NDST3: variants seen among roughly 807,000 people sequenced by gnomAD.
NDST3 encodes N-deacetylase and N-sulfotransferase 3, also known as bifunctional heparan sulfate N-deacetylase/N-sulfotransferase 3.
In NDST3, 58 loss-of-function variants were observed where a neutral mutation model predicts 96.1. The ratio of observed to expected loss-of-function variants is 0.60; its 90% confidence interval spans 0.49 to 0.75. NDST3 has a LOEUF of 0.75. Ranked by LOEUF, NDST3 falls within the 30% of genes least tolerant of loss-of-function variation. NDST3 has a pLI of 0.00. For missense variants in NDST3, 788 were observed against 1,034.2 expected (o/e 0.76, Z 3.27); for synonymous variants, 333 against 359.7 (o/e 0.93, Z 0.84).
intron 6 of NDST3, among the ~76,000 whole-genome samples, chr4:118,221,992 T>TA (rs200927146): frequency 0.011 from 1,556 of 141,912 alleles, 24 homozygotes; most frequent in Middle Eastern, 0.083. Flanking sequence ...ATTTTCCATC[T>TA]AAAAAAAAAA....
At chr4:118,255,112 C>T (rs557649828) in intron 13 of NDST3, among the ~76,000 whole-genome samples, 1 of 152,282 alleles carries the variant, frequency 6.6e-6, no homozygotes, top group Non-Finnish European at 1.5e-5. Flanking sequence ...GTTTAAGAGA[C>T]ACTGCAGAAT....
Position 118,240,757 on chromosome 4 carries a change from G to A in NDST3, c.2289+63G>A. 4 of 1,453,686 alleles carry A rather than the reference G, an allele frequency of 2.8e-6. No individual in the cohort carries two copies. The South Asian group carries it at 5.9e-5, about 21-fold the overall frequency. 90.0% of individuals were successfully genotyped at this position (1,453,686 alleles called of 1,614,324 possible). ...CATTAAGTTGATGACTTTGCCTTAA[G>A]GTTAAGAAAATTTTCAATTGTTAAA... On this transcript the variant is annotated intron_variant, in intron 11 of 13. Transcript: ENST00000296499.
intron 2 of NDST3, among the ~76,000 whole-genome samples, chr4:118,087,655 G>C (rs1197899144): frequency 1.3e-5 from 2 of 152,090 alleles, no homozygotes; most frequent in Non-Finnish European, 2.9e-5. Context: ...ATGTATGATT[G>C]GGCAGGGGGA....
intron 2 of NDST3, among the ~76,000 whole-genome samples, chr4:118,063,727 A>G (rs1287531317): frequency 6.6e-6 from 1 of 152,086 alleles, no homozygotes; most frequent in Non-Finnish European, 1.5e-5. Flanking sequence ...AACAAAGATT[A>G]TAAGCAGCAT....
intron 6 of NDST3, chr4:118,193,919 T>G: frequency 1.1e-6 from 1 of 950,190 alleles, no homozygotes; most frequent in Non-Finnish European, 1.7e-6. Context: ...TAGTAAAGCT[T>G]GCTTGTATTT....
intron 1 of NDST3, among the ~76,000 whole-genome samples, chr4:118,051,618 G>T (rs1479847272): frequency 6.6e-6 from 1 of 151,890 alleles, no homozygotes; most frequent in Non-Finnish European, 1.5e-5. Flanking sequence ...TTTCTTCAAA[G>T]AAGCAATCAG....
intron 6 of NDST3, among the ~76,000 whole-genome samples, chr4:118,183,324 C>A (rs185122202): frequency 1.0e-3 from 157 of 152,308 alleles, no homozygotes; most frequent in African/African-American, 3.5e-3. Context: ...TCACTGGGCA[C>A]ATGATTGAGC....
At chr4:118,230,498 C>G (rs1740202751) in intron 8 of NDST3, among the ~76,000 whole-genome samples, 1 of 151,994 alleles carries the variant, frequency 6.6e-6, no homozygotes, top group Non-Finnish European at 1.5e-5. Context: ...TGGCGTGAAC[C>G]CGGCGGGCGG....
At chr4:118,042,436 G>A (rs1457440102) in intron 1 of NDST3, among the ~76,000 whole-genome samples, 3 of 152,016 alleles carry the variant, frequency 2.0e-5, no homozygotes. Flanking sequence ...TCTTCACTCT[G>A]CACAGTGTGG....
In NDST3 at chr4:118,225,263, T is replaced by G. The variant is rs186460050; in HGVS notation, c.1722+590T>G. Reference sequence around the variant, plus strand: ...TATTCAGATGACTCTGGGGGTAACCTAGATTTCAAAGCATAGACTCTTATG... The same window carrying G: ...TATTCAGATGACTCTGGGGGTAACCGAGATTTCAAAGCATAGACTCTTATG... On this transcript the variant is annotated intron_variant, in intron 7 of 13. Coordinates refer to ENST00000296499, the MANE Select transcript of NDST3 (RefSeq NM_004784.3). Among the ~76,000 whole-genome samples the G allele has an allele frequency of 1.9e-3, 294 of 152,272 alleles. 1 individual carries two copies. Among genetic ancestry groups the G allele is most frequent in the African/African-American group, 6.9e-3 (286 of 41,560 alleles).
At chr4:118,162,751 G>C (rs1460767742) in intron 6 of NDST3, among the ~76,000 whole-genome samples, 2 of 146,978 alleles carry the variant, frequency 1.4e-5, no homozygotes, top group African/African-American at 4.9e-5. Flanking sequence ...TTGACAAATG[G>C]GATCTAATTA....
At chr4:118,119,435 C>A (rs954456262) in intron 4 of NDST3, among the ~76,000 whole-genome samples, 5 of 152,032 alleles carry the variant, frequency 3.3e-5, no homozygotes, top group African/African-American at 1.2e-4. Flanking sequence ...ATGAGATTTT[C>A]CTTTTATTGA....
At chr4:118,141,814 T>G (rs1292942870) in intron 5 of NDST3, among the ~76,000 whole-genome samples, 2 of 152,108 alleles carry the variant, frequency 1.3e-5, no homozygotes, top group Non-Finnish European at 2.9e-5. Flanking sequence ...CATATATCTT[T>G]CTGTTCTCTC....
chr4:118,072,351 C>T (rs1727150145), intron 2 of NDST3, among the ~76,000 whole-genome samples: 1 of 152,022 alleles, frequency 6.6e-6, no homozygotes, highest in African/African-American at 2.4e-5. Context: ...TTGATTCTTC[C>T]TATTCATGAG....
At chr4:118,125,330 C>A (rs774097493) in intron 4 of NDST3, among the ~76,000 whole-genome samples, 3 of 152,036 alleles carry the variant, frequency 2.0e-5, no homozygotes, top group Non-Finnish European at 2.9e-5. Context: ...CAGCTGCCAA[C>A]AGGGGATGAT....
In NDST3 at chr4:118,189,424, A is replaced by C. The variant is rs115559714; in HGVS notation, c.1540-35067A>C. ...GTAATTCAACATGTCAAATAATCCT[A>C]TTTATGTCTTTTTTGGATGTTTCAG... On this transcript the variant is annotated intron_variant, in intron 6 of 13. Transcript: ENST00000296499. Among the ~76,000 whole-genome samples, 1,241 of 152,242 alleles carry C rather than the reference A, an allele frequency of 8.2e-3. 7 individuals carry two copies. Among genetic ancestry groups the C allele is most frequent in the Non-Finnish European group, 0.014 (942 of 68,016 alleles).
chr4:118,118,124 A>G (rs925665414), intron 4 of NDST3, among the ~76,000 whole-genome samples: 1 of 152,236 alleles, frequency 6.6e-6, no homozygotes, highest in African/African-American at 2.4e-5. Flanking sequence ...AGAAAATTCT[A>G]CTTCAACTCA....
chr4:118,239,384 C>T (rs1009897092), intron 10 of NDST3, among the ~76,000 whole-genome samples: 39 of 152,124 alleles, frequency 2.6e-4, no homozygotes, highest in African/African-American at 8.7e-4. Flanking sequence ...TGAAAAATAG[C>T]GAGTGGAGAC....
At chr4:118,210,649 T>A (rs4362895) in intron 6 of NDST3, among the ~76,000 whole-genome samples, 3 of 151,694 alleles carry the variant, frequency 2.0e-5, no homozygotes, top group African/African-American at 7.3e-5. Flanking sequence ...GGTGGCACGC[T>A]CCTGTAGTCC....
Sources: gnomAD v4.1 joint callset for allele counts (sites outside exome capture counted in the v4.1 genomes callset) on GRCh38, gnomAD v4.1.1 for gene constraint, MANE v1.5 for transcripts, NCBI Gene and HGNC (gene_info 2026-07-23, HGNC 2026-07-21) for gene names.